GPR89A: variants seen among roughly 807,000 people sequenced by gnomAD.
GPR89A encodes golgi pH regulator A.
Under a neutral mutation model 52.0 loss-of-function variants are expected in GPR89A, and 16 were observed. That is an observed-to-expected ratio of 0.31 (90% CI 0.21 to 0.47). The LOEUF (loss-of-function observed/expected upper bound fraction) is 0.47. Among genes scored for constraint, GPR89A ranks in the 20% least tolerant of loss-of-function variants. The probability of loss-of-function intolerance (pLI) is 1.00; values close to 1 mark genes in which losing one functional copy is unlikely to be tolerated. For missense variants in GPR89A, 135 were observed against 449.4 expected, an observed-to-expected ratio of 0.30 and a Z score of 6.33; for synonymous variants, 55 against 150.9, an observed-to-expected ratio of 0.36 and a Z score of 4.66.
chr1:145,666,905 A>G (rs1244365938), intron 12 of GPR89A, among the ~76,000 whole-genome samples: 1 of 152,080 alleles, frequency 6.6e-6, no homozygotes, highest in Non-Finnish European at 1.5e-5. Flanking sequence ...GTGGCTGGAT[A>G]GTATTCCATG....
At chr1:145,642,627 G>C (rs1316903240) in intron 7 of GPR89A, among the ~76,000 whole-genome samples, 6 of 152,248 alleles carry the variant, frequency 3.9e-5, no homozygotes, top group African/African-American at 9.6e-5. Flanking sequence ...GGTACCATTG[G>C]TACTATTTGT....
intron 10 of GPR89A, among the ~76,000 whole-genome samples, chr1:145,652,761 T>G (rs1415616101): frequency 1.5e-5 from 2 of 136,922 alleles, no homozygotes; most frequent in African/African-American, 3.0e-5. Flanking sequence ...CTTCTAGATT[T>G]TCTAGTTGAT....
At chr1:145,656,056 C>G (rs1651784748) in intron 10 of GPR89A, among the ~76,000 whole-genome samples, 1 of 152,076 alleles carries the variant, frequency 6.6e-6, no homozygotes, top group South Asian at 2.1e-4. Context: ...AAGAAGCGGT[C>G]TGGCCACAGT....
chr1:145,629,795 G>A (rs1296612141), intron 5 of GPR89A, among the ~76,000 whole-genome samples: 3 of 151,766 alleles, frequency 2.0e-5, no homozygotes, highest in Non-Finnish European at 4.4e-5. Flanking sequence ...CCTCTAAAAC[G>A]AGTGTAGTGG....
chr1:145,661,016 T>C (rs1652157123), intron 10 of GPR89A, among the ~76,000 whole-genome samples: 2 of 151,998 alleles, frequency 1.3e-5, no homozygotes, highest in African/African-American at 4.8e-5. Context: ...CGTATGTTTA[T>C]TGTGGCACTA....
intron 7 of GPR89A, among the ~76,000 whole-genome samples, chr1:145,633,962 GA>G (rs1272217185): frequency 2.6e-5 from 4 of 151,444 alleles, no homozygotes; most frequent in Non-Finnish European, 4.4e-5. Context: ...CCTGGACACT[GA>G]AAACTATACA....
At chr1:145,654,871 T>C (rs1407381036) in intron 10 of GPR89A, among the ~76,000 whole-genome samples, 1 of 152,056 alleles carries the variant, frequency 6.6e-6, no homozygotes, top group Non-Finnish European at 1.5e-5. Flanking sequence ...CTGGATGATA[T>C]CCTGAAGTAT....
At chr1:145,615,000 A>G (rs1188169880) in intron 1 of GPR89A, among the ~76,000 whole-genome samples, 1 of 152,232 alleles carries the variant, frequency 6.6e-6, no homozygotes, top group African/African-American at 2.4e-5. Context: ...CTAGAAAGAC[A>G]TAAAATCATT....
chr1:145,670,532 G>A lies in GPR89A; in HGVS notation c.*492G>A. ...ATTATGCTTGTGTGATCTAACATCAGTTAGCATCCCACACCTCCTCATCTG... is the reference window on the plus strand; with the variant it reads ...ATTATGCTTGTGTGATCTAACATCAATTAGCATCCCACACCTCCTCATCTG... On this transcript the variant is annotated 3_prime_UTR_variant, in exon 14 of 14. Coordinates refer to ENST00000313835, the MANE Select transcript of GPR89A (RefSeq NM_001097612.2). 4.1e-6 allele frequency: 1 copy of A among 246,272 alleles called. No homozygotes were observed. The highest frequency in any genetic ancestry group is 7.9e-6 in the Non-Finnish European group (1 of 126,366). The allele number at this position is 246,272 out of a possible 1,614,324, so 15.3% of individuals were successfully genotyped here.
intron 10 of GPR89A, among the ~76,000 whole-genome samples, chr1:145,648,816 TG>T (rs1651239034): frequency 8.0e-4 from 1 of 1,244 alleles, no homozygotes; most frequent in Non-Finnish European, 4.9e-3. Flanking sequence ...TTTTTTTTTT[TG>T]TTGAAGACGG....
At chr1:145,639,575 C>T (rs1353507784) in intron 7 of GPR89A, among the ~76,000 whole-genome samples, 1 of 150,784 alleles carries the variant, frequency 6.6e-6, no homozygotes, top group Non-Finnish European at 1.5e-5. Context: ...GGCGAAACCC[C>T]GTCTCTACTA....
Position 145,623,150 on chromosome 1 carries a change from T to C in GPR89A, c.303T>C (p.Asn101=). 1 of 1,613,254 alleles carries C rather than the reference T, an allele frequency of 6.2e-7. No individual in the cohort carries two copies. Among genetic ancestry groups the C allele is most frequent in the Non-Finnish European group, 8.5e-7 (1 of 1,179,430 alleles). The change falls in exon 4 of 14, where the codon AAT becomes AAC. Residue 101 remains asparagine (N), a synonymous_variant. Transcript: ENST00000313835. The part of the protein sequence containing the change: ...PFYIGYFIVS[N]IRLLHKQRLL... ...ACATTGGCTATTTTATTGTGAGCAA[T>C]ATCCGACTACGTAAGTATTTTACCC... is the stretch of plus-strand genomic sequence containing the variant.
At chr1:145,611,902 A>G (rs1465110399) in intron 1 of GPR89A, among the ~76,000 whole-genome samples, 1 of 151,788 alleles carries the variant, frequency 6.6e-6, no homozygotes, top group Non-Finnish European at 1.5e-5. Context: ...TGCTTGATCT[A>G]GATGCTTGGA....
chr1:145,619,826 T>C (rs1311972000), intron 3 of GPR89A, among the ~76,000 whole-genome samples: 1,390 of 149,730 alleles, frequency 9.3e-3, no homozygotes, highest in Non-Finnish European at 0.015. Context: ...CCATCCTGGC[T>C]AACATGGTGA....
At chr1:145,655,757 C>G (rs1553694411) in intron 10 of GPR89A, among the ~76,000 whole-genome samples, 1 of 152,184 alleles carries the variant, frequency 6.6e-6, no homozygotes, top group African/African-American at 2.4e-5. Context: ...GGGTCTCAGT[C>G]AGGAGGCACG....
At chr1:145,662,635 A>G (rs1398171940) in intron 10 of GPR89A, among the ~76,000 whole-genome samples, 1 of 152,088 alleles carries the variant, frequency 6.6e-6, no homozygotes, top group African/African-American at 2.4e-5. Context: ...CTTTGGAAAT[A>G]AAGTTTTATT....
At chr1:145,612,162 C>G (rs1310394625) in intron 1 of GPR89A, 4 of 152,138 alleles carry the variant, frequency 2.6e-5, no homozygotes, top group African/African-American at 9.7e-5. Flanking sequence ...TGTCACTCTC[C>G]TCAAAGCTCC....
At chr1:145,642,892 C>A (rs1197579991) in intron 7 of GPR89A, among the ~76,000 whole-genome samples, 1 of 151,890 alleles carries the variant, frequency 6.6e-6, no homozygotes, top group Non-Finnish European at 1.5e-5. Flanking sequence ...TGGGACATGC[C>A]AGCAGCTACC....
chr1:145,629,038 C>A (rs1553689420), intron 5 of GPR89A, among the ~76,000 whole-genome samples: 1 of 152,134 alleles, frequency 6.6e-6, no homozygotes, highest in African/African-American at 2.4e-5. Flanking sequence ...GGATTGAATA[C>A]AATCAAAAGT....
Sources: allele counts gnomAD v4.1 joint callset (sites outside exome capture counted in the v4.1 genomes callset), GRCh38; gene constraint gnomAD v4.1.1; transcripts MANE v1.5; gene names NCBI Gene and HGNC (gene_info 2026-07-23, HGNC 2026-07-21).